Variants in PUS3 observed in about 807,000 individuals in gnomAD.
The protein encoded by PUS3 is pseudouridine synthase 3, also known as tRNA pseudouridine(38/39) synthase.
A neutral mutation model predicts 43.3 loss-of-function variants in PUS3; 36 were observed. The ratio of observed to expected loss-of-function variants is 0.83; its 90% CI spans 0.64 to 1.10. The LOEUF (loss-of-function observed/expected upper bound fraction) is 1.10, where lower values mean the gene tolerates loss of function less well. Ranked by LOEUF, PUS3 falls within the 50% of genes least tolerant of loss-of-function variation. PUS3 has a pLI of 0.00. For missense variants in PUS3, 544 were observed against 589.9 expected, an observed-to-expected ratio of 0.92 and a Z score of 0.81; for synonymous variants, 183 against 199.2, an observed-to-expected ratio of 0.92 and a Z score of 0.69.
chr11:125,901,790 A>G (rs1007037339), intron 1 of PUS3, among the ~76,000 whole-genome samples: 2 of 152,218 alleles, frequency 1.3e-5, no homozygotes, highest in Non-Finnish European at 2.9e-5. Flanking sequence ...TAGAATATTA[A>G]ATAGTCATTG....
chr11:125,899,934 C>T (rs1377297767), intron 1 of PUS3: 1 of 1,614,192 alleles, frequency 6.2e-7, no homozygotes, highest in South Asian at 1.1e-5. Flanking sequence ...CTGATTGTTG[C>T]CAGCAGACCC....
rs1375571945 is a variant in PUS3, at chr11:125,894,189, G to C, written c.1042C>G (p.Leu348Val). The part of the protein sequence containing the change: ...QEAQEFNITH[L>V]QQLWANHAVK... ...GCATGATTAGCCCACAGTTGTTGTA[G>C]GTGGGTAATATTGAACTCCTGAGCC... Residue 348 changes from leucine (L) to valine (V), a missense_variant, in exon 4 of 4, where the codon CTA becomes GTA. By Grantham distance (32) the Leu-to-Val change is conservative. Coordinates refer to ENST00000227474, the MANE Select transcript of PUS3 (RefSeq NM_031307.4). 6.2e-7 allele frequency: 1 copy of C among 1,614,040 alleles called. No homozygotes were observed. The highest frequency in any genetic ancestry group is 1.7e-5 in the Admixed American group (1 of 60,018).
Position 125,894,214 on chromosome 11 carries a change from C to T in PUS3, c.1017G>A (p.Glu339=). Reference sequence around the variant, plus strand: ...GGTGGGTAATATTGAACTCCTGAGCCTCCTGGTCATAGATCCACTTGACAT... The same window carrying T: ...GGTGGGTAATATTGAACTCCTGAGCTTCCTGGTCATAGATCCACTTGACAT... The part of the protein sequence containing the change: ...FENVKWIYDQ[E]AQEFNITHLQ... The change falls in exon 4 of 4, where the codon GAG becomes GAA. Residue 339 remains glutamate (E), a synonymous_variant. Coordinates refer to ENST00000227474, the MANE Select transcript of PUS3 (RefSeq NM_031307.4). 2 of 1,613,772 alleles carry T rather than the reference C, an allele frequency of 1.2e-6. No homozygotes were observed. The highest frequency in any genetic ancestry group is 8.5e-7 in the Non-Finnish European group (1 of 1,179,758).
At position 125,897,903 on chromosome 11, in the gene PUS3, T is replaced by C. The variant is rs1488119453; in HGVS notation, c.-46-1573A>G. Among the ~76,000 whole-genome samples, 3 of 152,164 alleles carry C rather than the reference T, an allele frequency of 2.0e-5. No homozygotes were observed. The East Asian group carries it at 5.8e-4, about 29-fold the overall frequency. ...AAATAGATAAAAACTTGCAAGATAC[T>C]CGTGTTAGCATCAGTAAACCTATAA... On this transcript the variant is annotated intron_variant, in intron 1 of 3. Coordinates refer to ENST00000227474, the MANE Select transcript of PUS3 (RefSeq NM_031307.4).
intron 1 of PUS3, 102 bp from the exon 2 acceptor site, chr11:125,896,432 T>C (rs984221458): frequency 4.7e-6 from 4 of 851,160 alleles, no homozygotes; most frequent in African/African-American, 3.3e-5. Context: ...AATATACTTT[T>C]GCTTTTCCAG....
intron 1 of PUS3, 51 bp downstream of exon 1, chr11:125,903,119 C>T (rs909873916): frequency 2.3e-6 from 2 of 886,072 alleles, no homozygotes; most frequent in Non-Finnish European, 2.7e-6. Flanking sequence ...CCATTTGTCC[C>T]TTCCCCTGTG....
At chr11:125,897,959 A>C (rs1011657323) in intron 1 of PUS3, among the ~76,000 whole-genome samples, 3 of 152,224 alleles carry the variant, frequency 2.0e-5, no homozygotes, top group Non-Finnish European at 2.9e-5. Context: ...GGAATGGCTG[A>C]CTAAATTTAT....
Position 125,894,174 on chromosome 11 carries a change from C to A in PUS3, c.1057G>T (p.Ala353Ser). 1 of 1,614,072 alleles carries A rather than the reference C, an allele frequency of 6.2e-7. No individual in the cohort carries two copies. Among genetic ancestry groups the A allele is most frequent in the Non-Finnish European group, 8.5e-7 (1 of 1,179,998 alleles). Residue 353 changes from alanine (A) to serine (S), a missense_variant, in exon 4 of 4, where the codon GCT (alanine) becomes TCT (serine). By Grantham distance (99) the Ala-to-Ser change is moderately conservative. Transcript: ENST00000227474. ...ATGTGAGTTTTGACAGCATGATTAG[C>A]CCACAGTTGTTGTAGGTGGGTAATA... is the stretch of plus-strand genomic sequence containing the variant. ...FNITHLQQLW[A>S]NHAVKTHMLY...
intron 1 of PUS3, 99 bp downstream of exon 1, chr11:125,903,071 G>T: frequency 2.0e-6 from 1 of 495,452 alleles, no homozygotes; most frequent in Non-Finnish European, 2.6e-6. Flanking sequence ...GTGAAAGAGG[G>T]CAAAAAGAAG....
intron 1 of PUS3, chr11:125,899,564 G>A (rs778037561): frequency 6.2e-7 from 1 of 1,614,186 alleles, no homozygotes; most frequent in South Asian, 1.1e-5. Context: ...TGCTCTTCCT[G>A]TGCAACTACA....
intron 1 of PUS3, chr11:125,900,131 C>T: frequency 6.2e-7 from 1 of 1,614,134 alleles, no homozygotes; most frequent in South Asian, 1.1e-5. Context: ...CCAATCCAAA[C>T]CTCAGCATAT....
chr11:125,899,785 G>C, intron 1 of PUS3: 1 of 1,614,190 alleles, frequency 6.2e-7, no homozygotes, highest in Non-Finnish European at 8.5e-7. Context: ...TGAATGTACA[G>C]TTCCAGGAAG....
At chr11:125,900,628 A>C (rs1028025786) in intron 1 of PUS3, 9 of 268,184 alleles carry the variant, frequency 3.4e-5, no homozygotes, top group Non-Finnish European at 6.1e-5. Context: ...CTTACCAATT[A>C]AAGAATTTTG....
chr11:125,896,295 C>A lies in PUS3; in HGVS notation c.-11G>T, dbSNP rs943047262. ...GTCATTATAAGCCATGATATGACAA[C>A]CCCAGGAATAAACGAACCATACAGG... On this transcript the variant is annotated 5_prime_UTR_variant, in exon 2 of 4. Coordinates refer to ENST00000227474, the MANE Select transcript of PUS3 (RefSeq NM_031307.4). 40 of 1,597,856 alleles carry A rather than the reference C, an allele frequency of 2.5e-5. No individual in the cohort carries two copies. Among genetic ancestry groups the A allele is most frequent in the Non-Finnish European group, 3.4e-5 (40 of 1,166,986 alleles).
chr11:125,893,740 C>A lies in PUS3; in HGVS notation c.*45G>T. The A allele has an allele frequency of 7.0e-7, 1 of 1,434,938 alleles. No homozygotes were observed. The highest frequency in any genetic ancestry group is 1.7e-5 in the South Asian group (1 of 60,208). 88.9% of individuals were successfully genotyped at this position (1,434,938 alleles called of 1,614,324 possible). A position where few individuals can be genotyped will look rare whatever the true frequency, so the allele number is the denominator to read the frequency against. On this transcript the variant is annotated 3_prime_UTR_variant, in exon 4 of 4. Transcript: ENST00000227474. Reference sequence around the variant, plus strand: ...ATTTTTTTTTTTTTCCTTTTCTGTCCACCTACCATTAGGTGGTTCCTAGAT... The same window carrying A: ...ATTTTTTTTTTTTTCCTTTTCTGTCAACCTACCATTAGGTGGTTCCTAGAT...
In PUS3 at chr11:125,895,511, G is replaced by A. The variant is rs1944555359; in HGVS notation, c.657C>T (p.Thr219=). The change falls in exon 3 of 4, where the codon ACC becomes ACT. Residue 219 remains threonine (T), a synonymous_variant. Transcript: ENST00000227474. ...TTTTACACAAGTTCCTGAAATCATG[G>A]GTGCCAACATACTTCTGAGCTGCAT... ...MDYAAQKYVG[T]HDFRNLCKMD... The A allele has an allele frequency of 6.2e-7, 1 of 1,614,008 alleles. No homozygotes were observed. The highest frequency in any genetic ancestry group is 8.5e-7 in the Non-Finnish European group (1 of 1,180,044).
Position 125,900,160 on chromosome 11 carries a change from T to C in PUS3, c.-47+3010A>G, listed in dbSNP as rs1283896832. The C allele has an allele frequency of 3.7e-6, 6 of 1,614,062 alleles. No individual in the cohort carries two copies. The highest frequency in any genetic ancestry group is 2.7e-5 in the African/African-American group (2 of 74,914). On this transcript the variant is annotated intron_variant, in intron 1 of 3. Coordinates refer to ENST00000227474, the MANE Select transcript of PUS3 (RefSeq NM_031307.4). Reference sequence around the variant, plus strand: ...AGCATATATATGTCCCAAACAATTATCTAGTACCAACAGAGAAGAAAAGGT... The same window carrying C: ...AGCATATATATGTCCCAAACAATTACCTAGTACCAACAGAGAAGAAAAGGT...
intron 2 of PUS3, 53 bp from the exon 3 acceptor site, chr11:125,895,842 C>G: frequency 6.3e-7 from 1 of 1,583,132 alleles, no homozygotes; most frequent in Non-Finnish European, 8.6e-7. Context: ...AATCTCAGTA[C>G]TCAGTGTGTA....
chr11:125,895,972 T>C lies in PUS3; in HGVS notation c.313A>G (p.Ser105Gly), dbSNP rs751781558. ...EALTKTRLVE[S>G]RQTSNYHRCG... ...CGGTGATAGTTGGATGTCTGTCTGC[T>C]TTCTACTAGTCGAGTCTTGGTTAGA... The change falls in exon 2 of 4, where the codon AGC becomes GGC. Residue 105 changes from serine (S) to glycine (G), a missense_variant. Transcript: ENST00000227474. The C allele has an allele frequency of 6.2e-7, 1 of 1,614,208 alleles. No homozygotes were observed. The highest frequency in any genetic ancestry group is 1.1e-5 in the South Asian group (1 of 91,090).
Sources: allele counts gnomAD v4.1 joint callset (sites outside exome capture counted in the v4.1 genomes callset), GRCh38; gene constraint gnomAD v4.1.1; transcripts MANE v1.5; gene names NCBI Gene and HGNC (gene_info 2026-07-23, HGNC 2026-07-21).